The following RPAP3 variants were observed in gnomAD, a reference collection of about 807,000 sequenced individuals.
RPAP3 encodes the protein RNA polymerase II associated protein 3.
In RPAP3, 58 loss-of-function variants were observed where a neutral mutation model predicts 88.8. That is an observed-to-expected ratio of 0.65 (90% CI 0.53 to 0.81). The LOEUF (loss-of-function observed/expected upper bound fraction) is 0.81, where lower values mean the gene tolerates loss of function less well. Among genes scored for constraint, RPAP3 ranks in the 40% least tolerant of loss-of-function variants. RPAP3 has a pLI of 0.00. For synonymous variants in RPAP3, 255 were observed against 259.9 expected, an observed-to-expected ratio of 0.98 and a Z score of 0.18; for missense variants, 751 against 764.3, an observed-to-expected ratio of 0.98 and a Z score of 0.20.
chr12:47,669,853 T>G (rs1256133612), intron 13 of RPAP3, among the ~76,000 whole-genome samples: 1 of 152,168 alleles, frequency 6.6e-6, no homozygotes, highest in East Asian at 1.9e-4. Flanking sequence ...AATGAAAATT[T>G]TTAAACAAAA....
rs142102070 is a variant in RPAP3, at chr12:47,687,001, C to T, written c.865-94G>A. 731 of 695,748 alleles carry T rather than the reference C, an allele frequency of 1.1e-3. 3 individuals are homozygous for T. In the African/African-American group the frequency reaches 0.011, roughly 11 times the overall value. 43.1% of individuals were successfully genotyped at this position (695,748 alleles called of 1,614,324 possible). On this transcript the variant is annotated intron_variant, in intron 8 of 16. Transcript: ENST00000005386. ...TATGAAACACTGCAAGGATATTCAC[C>T]AACAGTATTTCAAGAAAGAATATTG... is the stretch of plus-strand genomic sequence containing the variant.
chr12:47,699,125 T>A (rs1939595379), intron 3 of RPAP3, among the ~76,000 whole-genome samples: 2 of 152,154 alleles, frequency 1.3e-5, no homozygotes, highest in Non-Finnish European at 2.9e-5. Flanking sequence ...TGAACTAGAA[T>A]GAAATGGGAA....
intron 14 of RPAP3, 27 bp downstream of exon 14, chr12:47,668,889 C>CAGAAGTACTAGTA (rs1938936169): frequency 6.4e-7 from 1 of 1,564,566 alleles, no homozygotes; most frequent in Non-Finnish European, 8.8e-7. Flanking sequence ...TTACTTACAA[C>CAGAAGTACTAGTA]AGAAGTACTA....
chr12:47,680,805 C>T (rs1939206987), intron 10 of RPAP3, among the ~76,000 whole-genome samples: 1 of 151,338 alleles, frequency 6.6e-6, no homozygotes, highest in Non-Finnish European at 1.5e-5. Context: ...TCCTCCATTC[C>T]CTACCTGCTG....
At chr12:47,694,170 T>C (rs1939478916) in intron 5 of RPAP3, among the ~76,000 whole-genome samples, 1 of 152,196 alleles carries the variant, frequency 6.6e-6, no homozygotes, top group Non-Finnish European at 1.5e-5. Flanking sequence ...ACACTAAATA[T>C]TAAGACTTAC....
At chr12:47,668,824 T>C in intron 14 of RPAP3, 92 bp downstream of exon 14, 1 of 931,766 alleles carries the variant, frequency 1.1e-6, no homozygotes, top group Non-Finnish European at 1.7e-6. Flanking sequence ...AATAATATCC[T>C]ATAAAAAGCA....
intron 9 of RPAP3, among the ~76,000 whole-genome samples, chr12:47,683,561 C>A (rs1031405473): frequency 6.6e-6 from 1 of 152,162 alleles, no homozygotes; most frequent in Admixed American, 6.5e-5. Flanking sequence ...TTCTAAAAGT[C>A]TGAAGTTGCC....
rs753267036 is a variant in RPAP3 at position 47,687,948 on chromosome 12, C to G, written c.792G>C (p.Lys264Asn). 4 of 1,613,518 alleles carry G rather than the reference C, an allele frequency of 2.5e-6. No homozygotes were observed. Among genetic ancestry groups the G allele is most frequent in the Non-Finnish European group, 3.4e-6 (4 of 1,179,740 alleles). The change falls in exon 8 of 17, where the codon AAG becomes AAC. Residue 264 changes from lysine (K) to asparagine (N), a missense_variant. Lys to Asn is a moderately conservative substitution (Grantham distance 94). Coordinates refer to ENST00000005386, the MANE Select transcript of RPAP3 (RefSeq NM_024604.3). ...SYPKEADIVI[K>N]STEGERKQIE... is the part of the protein sequence containing the mutation. The stretch of plus-strand genomic sequence containing the variant: ...TTTGCTTTCGCTCTCCTTCTGTTGA[C>G]TTAATCACTATGTCAGCTTCCTTTG...
Position 47,696,239 on chromosome 12 carries a change from G to C in RPAP3, c.545+37C>G, listed in dbSNP as rs374334457. ...TTAATAAGTCTCCATATATACATAA[G>C]ACATTCACATTCACACACGTCACAG... On this transcript the variant is annotated intron_variant, in intron 5 of 16. Transcript: ENST00000005386. 2.1e-6 allele frequency: 3 copies of C among 1,458,678 alleles called. No homozygotes were observed. The African/African-American group carries it at 4.3e-5, about 21-fold the overall frequency. The allele number at this position is 1,458,678 out of a possible 1,614,324, so 90.4% of individuals were successfully genotyped here. A position where few individuals can be genotyped will look rare whatever the true frequency, so the allele number is the denominator to read the frequency against.
At chr12:47,697,122 T>C (rs780318405) in intron 4 of RPAP3, among the ~76,000 whole-genome samples, 1 of 152,246 alleles carries the variant, frequency 6.6e-6, no homozygotes, top group Non-Finnish European at 1.5e-5. Context: ...GGTTTTATAA[T>C]AATGAGGCAT....
At chr12:47,677,526 T>C (rs542792342) in intron 12 of RPAP3, among the ~76,000 whole-genome samples, 4 of 152,236 alleles carry the variant, frequency 2.6e-5, no homozygotes, top group Non-Finnish European at 4.4e-5. Flanking sequence ...CTTAAGCTGA[T>C]AGGCAACTTC....
At chr12:47,679,662 T>A in intron 11 of RPAP3, 42 bp downstream of exon 11, 2 of 1,535,720 alleles carry the variant, frequency 1.3e-6, no homozygotes, top group South Asian at 1.2e-5. Context: ...ATATTTATGT[T>A]TCAGAAAATA....
chr12:47,689,693 C>A (rs1315913025), intron 6 of RPAP3, among the ~76,000 whole-genome samples: 3 of 152,150 alleles, frequency 2.0e-5, no homozygotes, highest in African/African-American at 7.2e-5. Flanking sequence ...CTATGACAAA[C>A]CATCTTCCAC....
rs1055340247 is a variant in RPAP3, at chr12:47,668,751, T to C, written c.1713+165A>G. On this transcript the variant is annotated intron_variant, in intron 14 of 16. Transcript: ENST00000005386. ...TATTGCCAAAGGAGAACATCAAGGT[T>C]CCCTGGTTGTAAATATTTTTAAATG... Among the ~76,000 whole-genome samples, 3 of 152,224 alleles carry C rather than the reference T, an allele frequency of 2.0e-5. No individual in the cohort carries two copies. The East Asian group carries it at 5.8e-4, about 29-fold the overall frequency.
intron 6 of RPAP3, among the ~76,000 whole-genome samples, chr12:47,689,510 T>C (rs533108629): frequency 2.2e-4 from 33 of 152,280 alleles, no homozygotes; most frequent in Non-Finnish European, 4.0e-4. Flanking sequence ...AGCTAATTTT[T>C]GTATTTTTAG....
intron 15 of RPAP3, 135 bp from the exon 16 acceptor site, chr12:47,667,215 T>A (rs553827126): frequency 3.5e-5 from 13 of 374,868 alleles, no homozygotes; most frequent in Non-Finnish European, 6.1e-5. Flanking sequence ...GTATTTTAAA[T>A]GCCCAAATGA....
At chr12:47,705,754 G>C (rs542731694) in intron 1 of RPAP3, among the ~76,000 whole-genome samples, 198 bp downstream of exon 1, 6 of 152,280 alleles carry the variant, frequency 3.9e-5, no homozygotes, top group African/African-American at 1.2e-4. Context: ...CGGGTTGCGG[G>C]GGCGAGCCCC....
rs1939633564 is a variant in RPAP3 at position 47,700,384 on chromosome 12, G to A, written c.294+1080C>T. Among the ~76,000 whole-genome samples, 4 of 152,156 alleles carry A rather than the reference G, an allele frequency of 2.6e-5. No homozygotes were observed. The South Asian group carries it at 8.3e-4, about 32-fold the overall frequency. ...TGGAAAAATTCTCTTTAAGTTAGAT[G>A]GTAGGCTCATGTATTCATTTTATTA... On this transcript the variant is annotated intron_variant, in intron 3 of 16. Transcript: ENST00000005386.
At chr12:47,704,802 G>C (rs972457667) in intron 1 of RPAP3, among the ~76,000 whole-genome samples, 3 of 152,026 alleles carry the variant, frequency 2.0e-5, no homozygotes, top group African/African-American at 7.2e-5. Context: ...CTTGGGCTCA[G>C]GAGTTCCTAG....
Sources: allele counts gnomAD v4.1 joint callset (sites outside exome capture counted in the v4.1 genomes callset), GRCh38; gene constraint gnomAD v4.1.1; transcripts MANE v1.5; gene names NCBI Gene and HGNC (gene_info 2026-07-23, HGNC 2026-07-21).